Variants in RIMS1 observed in about 807,000 individuals in gnomAD.
RIMS1 encodes the protein regulating synaptic membrane exocytosis protein 1.
RIMS1 carries 83 observed loss-of-function variants against 214.1 expected under a neutral mutation model. The observed-to-expected ratio is 0.39, with a 90% CI of 0.32 to 0.47. The LOEUF (loss-of-function observed/expected upper bound fraction) is 0.47. Among genes scored for constraint, RIMS1 ranks in the 20% least tolerant of loss-of-function variants. The pLI is 0.99. For synonymous variants in RIMS1, 793 were observed against 786.8 expected (o/e 1.01, Z -0.13); for missense variants, 2,050 against 2,161.8 (o/e 0.95, Z 1.03).
chr6:72,390,080 G>A (rs998571617), intron 29 of RIMS1, among the ~76,000 whole-genome samples: 1 of 152,150 alleles, frequency 6.6e-6, no homozygotes, highest in African/African-American at 2.4e-5. Flanking sequence ...TTAAAGTGCT[G>A]CAAAAATCAT....
intron 28 of RIMS1, among the ~76,000 whole-genome samples, chr6:72,328,441 TGTA>T (rs2096555177): frequency 6.6e-6 from 1 of 151,516 alleles, no homozygotes; most frequent in African/African-American, 2.4e-5. Flanking sequence ...GAACCTAAAG[TGTA>T]ATAAAAAAAG....
intron 4 of RIMS1, among the ~76,000 whole-genome samples, chr6:72,177,352 A>T (rs926892527): frequency 5.3e-5 from 8 of 152,202 alleles, no homozygotes; most frequent in African/African-American, 1.7e-4. Context: ...TCCGGGTTCA[A>T]GTGATTCTTC....
At chr6:71,893,311 CTTTT>C (rs1770548138) in intron 1 of RIMS1, among the ~76,000 whole-genome samples, 1 of 150,792 alleles carries the variant, frequency 6.6e-6, no homozygotes, top group Non-Finnish European at 1.5e-5. Context: ...TACCTTCTTT[CTTTT>C]CTTTTTTTTT....
intron 28 of RIMS1, among the ~76,000 whole-genome samples, chr6:72,326,796 T>G (rs2096487716): frequency 6.6e-6 from 1 of 151,636 alleles, no homozygotes; most frequent in South Asian, 2.1e-4. Flanking sequence ...TTGTCTGAAT[T>G]TAAAGTAGGG....
chr6:72,084,223 G>C (rs1834109528), intron 2 of RIMS1, among the ~76,000 whole-genome samples: 1 of 152,124 alleles, frequency 6.6e-6, no homozygotes, highest in South Asian at 2.1e-4. Flanking sequence ...AGTATGATTA[G>C]ACCTATTTAA....
intron 4 of RIMS1, among the ~76,000 whole-genome samples, chr6:72,137,229 A>G (rs2153870808): frequency 6.6e-6 from 1 of 152,200 alleles, no homozygotes; most frequent in African/African-American, 2.4e-5. Flanking sequence ...CCTTGTGCAT[A>G]TATTCTTAGT....
chr6:72,319,228 A>G (rs750314275), intron 28 of RIMS1, among the ~76,000 whole-genome samples: 15 of 152,108 alleles, frequency 9.9e-5, no homozygotes, highest in Non-Finnish European at 2.1e-4. Flanking sequence ...AAAAATAACA[A>G]TCAGGAACAT....
chr6:72,289,539 TTAAAGACC>T (rs1358215292), intron 24 of RIMS1, among the ~76,000 whole-genome samples: 2 of 152,204 alleles, frequency 1.3e-5, no homozygotes, highest in African/African-American at 4.8e-5. Flanking sequence ...TACGCCTTTA[TTAAAGACC>T]TAAGCTGAAC....
At chr6:72,207,766 CAAACAAACAAAA>C (rs1223001539) in intron 6 of RIMS1, among the ~76,000 whole-genome samples, 2 of 152,066 alleles carry the variant, frequency 1.3e-5, no homozygotes, top group Admixed American at 1.3e-4. Flanking sequence ...AACAAACAAA[CAAACAAACAAAA>C]AAATTCTCCC....
intron 28 of RIMS1, among the ~76,000 whole-genome samples, chr6:72,327,658 T>G (rs2096526081): frequency 6.6e-6 from 1 of 151,836 alleles, no homozygotes; most frequent in South Asian, 2.1e-4. Context: ...CAGTTTCTCC[T>G]AATTCTAGTC....
At chr6:72,266,893 ATATT>A (rs201452477) in intron 22 of RIMS1, among the ~76,000 whole-genome samples, 4,463 of 152,190 alleles carry the variant, frequency 0.029, 190 homozygotes, top group African/African-American at 0.1. Flanking sequence ...CTGAAGAAAA[ATATT>A]TAGTTGTACT....
At chr6:71,932,187 T>C (rs1037552568) in intron 1 of RIMS1, among the ~76,000 whole-genome samples, 10 of 152,132 alleles carry the variant, frequency 6.6e-5, no homozygotes, top group African/African-American at 2.4e-4. Context: ...CGTATGTTCA[T>C]TGCAGCTATT....
intron 4 of RIMS1, among the ~76,000 whole-genome samples, chr6:72,153,561 A>G (rs2044023320): frequency 6.6e-6 from 1 of 152,136 alleles, no homozygotes; most frequent in Non-Finnish European, 1.5e-5. Context: ...TAATCTATAG[A>G]TTTTTTACAA....
At chr6:72,163,629 G>T (rs2045805327) in intron 4 of RIMS1, among the ~76,000 whole-genome samples, 1 of 140,806 alleles carries the variant, frequency 7.1e-6, no homozygotes. Context: ...CAGGTCTGTT[G>T]GAGTTTGCTG....
intron 29 of RIMS1, among the ~76,000 whole-genome samples, chr6:72,367,612 C>G (rs1321275661): frequency 6.6e-6 from 1 of 152,138 alleles, no homozygotes; most frequent in Non-Finnish European, 1.5e-5. Context: ...CACTGATACT[C>G]TGATGTCACA....
chr6:71,939,599 G>A (rs1785429714), intron 1 of RIMS1, among the ~76,000 whole-genome samples: 1 of 152,174 alleles, frequency 6.6e-6, no homozygotes, highest in African/African-American at 2.4e-5. Context: ...GCTGCATCTG[G>A]TTAAGGGCCT....
At chr6:72,191,901 A>C (rs1479238338) in intron 6 of RIMS1, among the ~76,000 whole-genome samples, 1 of 152,216 alleles carries the variant, frequency 6.6e-6, no homozygotes, top group Non-Finnish European at 1.5e-5. Context: ...GGGTCTTTCA[A>C]GTACTCGATG....
chr6:72,231,948 A>G (rs1033605590), intron 6 of RIMS1, among the ~76,000 whole-genome samples: 2 of 151,702 alleles, frequency 1.3e-5, no homozygotes, highest in Non-Finnish European at 3.0e-5. Flanking sequence ...AAATTGGGGC[A>G]TGAACCAGAG....
At chr6:72,191,480 A>T (rs978045028) in intron 6 of RIMS1, among the ~76,000 whole-genome samples, 7 of 152,250 alleles carry the variant, frequency 4.6e-5, no homozygotes, top group African/African-American at 1.7e-4. Flanking sequence ...TCCAATCAGC[A>T]TAATGTCATC....
Sources: allele counts gnomAD v4.1 joint callset (sites outside exome capture counted in the v4.1 genomes callset), GRCh38; gene constraint gnomAD v4.1.1; transcripts MANE v1.5; gene names NCBI Gene and HGNC (gene_info 2026-07-23, HGNC 2026-07-21).